ST6GALNAC3: variants seen among roughly 807,000 people sequenced by gnomAD.
The protein encoded by ST6GALNAC3 is alpha-N-acetylgalactosaminide alpha-2,6-sialyltransferase 3.
A neutral mutation model predicts 32.7 loss-of-function variants in ST6GALNAC3; 25 were observed. The ratio of observed to expected loss-of-function variants is 0.76; its 90% confidence interval spans 0.56 to 1.07. The LOEUF (loss-of-function observed/expected upper bound fraction) is 1.07, where lower values mean the gene tolerates loss of function less well. Ranked by LOEUF, ST6GALNAC3 falls within the 50% of genes least tolerant of loss-of-function variation. The pLI, the probability that ST6GALNAC3 is intolerant of heterozygous loss-of-function variation, is 0.00. For synonymous variants in ST6GALNAC3, 129 were observed against 133.1 expected (o/e 0.97, Z 0.21); for missense variants, 355 against 382.4 (o/e 0.93, Z 0.60).
At chr1:76,233,048 A>G (rs1480833400) in intron 1 of ST6GALNAC3, among the ~76,000 whole-genome samples, 1 of 152,212 alleles carries the variant, frequency 6.6e-6, no homozygotes, top group Non-Finnish European at 1.5e-5. Flanking sequence ...CTCAAAAAAC[A>G]AAGTCTCTAA....
At chr1:76,474,821 G>A (rs775836301) in intron 3 of ST6GALNAC3, among the ~76,000 whole-genome samples, 8 of 152,094 alleles carry the variant, frequency 5.3e-5, no homozygotes, top group Non-Finnish European at 1.0e-4. Flanking sequence ...AAGCCAACTC[G>A]CATCCTGTGG....
At chr1:76,604,483 G>A (rs1284787367) in intron 3 of ST6GALNAC3, among the ~76,000 whole-genome samples, 1 of 152,178 alleles carries the variant, frequency 6.6e-6, no homozygotes, top group Non-Finnish European at 1.5e-5. Flanking sequence ...TGACATCTCT[G>A]ACAATGTTCA....
At chr1:76,127,476 T>C (rs151302045) in intron 1 of ST6GALNAC3, among the ~76,000 whole-genome samples, 21 of 152,354 alleles carry the variant, frequency 1.4e-4, no homozygotes, top group African/African-American at 4.8e-4. Flanking sequence ...GAAGGTTCTG[T>C]CTTTATTTAC....
At chr1:76,341,171 A>G (rs1372097286) in intron 2 of ST6GALNAC3, among the ~76,000 whole-genome samples, 81 of 151,934 alleles carry the variant, frequency 5.3e-4, no homozygotes, top group Non-Finnish European at 1.5e-4. Flanking sequence ...AGAACCCTGT[A>G]GGTAGTTTTT....
chr1:76,168,301 G>A (rs539394720), intron 1 of ST6GALNAC3, among the ~76,000 whole-genome samples: 1 of 152,178 alleles, frequency 6.6e-6, no homozygotes, highest in Non-Finnish European at 1.5e-5. Flanking sequence ...GGTTTTGAGT[G>A]AATTTCTTAG....
At chr1:76,602,904 T>C (rs1647299989) in intron 3 of ST6GALNAC3, among the ~76,000 whole-genome samples, 1 of 151,928 alleles carries the variant, frequency 6.6e-6, no homozygotes, top group African/African-American at 2.4e-5. Context: ...AAACGATCCA[T>C]TGCAAAAAAA....
intron 1 of ST6GALNAC3, among the ~76,000 whole-genome samples, chr1:76,138,653 T>C (rs1650099533): frequency 6.6e-6 from 1 of 152,262 alleles, no homozygotes; most frequent in African/African-American, 2.4e-5. Context: ...ATACTTTTTC[T>C]CTAAAATGTC....
At chr1:76,331,772 G>A (rs547037183) in intron 2 of ST6GALNAC3, among the ~76,000 whole-genome samples, 1 of 152,282 alleles carries the variant, frequency 6.6e-6, no homozygotes, top group Admixed American at 6.5e-5. Flanking sequence ...CTTCTAATGG[G>A]AAACAAATAT....
rs578229710 is a variant in ST6GALNAC3 at position 76,455,186 on chromosome 1, C to A, written c.623+42769C>A. Among the ~76,000 whole-genome samples the A allele has an allele frequency of 2.0e-5, 3 of 151,884 alleles. No individual in the cohort carries two copies. The East Asian group carries it at 5.8e-4, about 29-fold the overall frequency. On this transcript the variant is annotated intron_variant, in intron 3 of 4. Transcript: ENST00000328299. ...TGTTCTTATTTTATGGCTACAATAT[C>A]TTTTATTATTTACATCTATCATTAT...
intron 1 of ST6GALNAC3, among the ~76,000 whole-genome samples, chr1:76,239,669 C>CCCGTGA (rs1243453953): frequency 6.6e-6 from 1 of 152,124 alleles, no homozygotes; most frequent in Non-Finnish European, 1.5e-5. Flanking sequence ...GAGATCTTCC[C>CCCGTGA]CCGTGACCCA....
At chr1:76,362,544 T>C (rs937756413) in intron 2 of ST6GALNAC3, among the ~76,000 whole-genome samples, 1 of 152,182 alleles carries the variant, frequency 6.6e-6, no homozygotes, top group African/African-American at 2.4e-5. Flanking sequence ...GGCTCATACT[T>C]TCTGCCTATG....
At chr1:76,386,624 A>G (rs998325232) in intron 2 of ST6GALNAC3, among the ~76,000 whole-genome samples, 1 of 152,128 alleles carries the variant, frequency 6.6e-6, no homozygotes, top group Non-Finnish European at 1.5e-5. Flanking sequence ...ATAATAACAT[A>G]GAGAGATAAA....
chr1:76,604,527 C>G (rs1163602344), intron 3 of ST6GALNAC3, among the ~76,000 whole-genome samples: 1 of 152,182 alleles, frequency 6.6e-6, no homozygotes, highest in Admixed American at 6.5e-5. Flanking sequence ...TCTGCTCACA[C>G]CTCAAATGTT....
At chr1:76,178,200 A>G (rs527822314) in intron 1 of ST6GALNAC3, among the ~76,000 whole-genome samples, 10 of 152,248 alleles carry the variant, frequency 6.6e-5, no homozygotes, top group Non-Finnish European at 1.5e-4. Flanking sequence ...GAGAATAAAC[A>G]ATGTAAAGAA....
At chr1:76,307,901 T>C (rs777231501) in intron 1 of ST6GALNAC3, 2 of 516,666 alleles carry the variant, frequency 3.9e-6, no homozygotes, top group Admixed American at 1.9e-5. Flanking sequence ...GTATTTCTCC[T>C]ATGAAGTCTG....
chr1:76,276,786 A>G (rs539530076), intron 1 of ST6GALNAC3, among the ~76,000 whole-genome samples: 1 of 152,342 alleles, frequency 6.6e-6, no homozygotes, highest in Non-Finnish European at 1.5e-5. Context: ...TAAGTAGAAT[A>G]TAAGAACTCC....
intron 3 of ST6GALNAC3, among the ~76,000 whole-genome samples, chr1:76,441,160 G>T (rs577672863): frequency 6.6e-6 from 1 of 151,526 alleles, no homozygotes; most frequent in African/African-American, 2.4e-5. Context: ...ATATAATATG[G>T]ACTTGCTCAA....
chr1:76,542,401 G>A (rs1375577837), intron 3 of ST6GALNAC3, among the ~76,000 whole-genome samples: 1 of 152,076 alleles, frequency 6.6e-6, no homozygotes, highest in Non-Finnish European at 1.5e-5. Context: ...TATATAGTAA[G>A]GGCTCAAAAA....
At chr1:76,292,746 C>T (rs746366765) in intron 1 of ST6GALNAC3, among the ~76,000 whole-genome samples, 2 of 152,166 alleles carry the variant, frequency 1.3e-5, no homozygotes, top group Non-Finnish European at 2.9e-5. Flanking sequence ...TATTACTGGA[C>T]TCTGGGCTCC....
Sources: allele counts gnomAD v4.1 joint callset (sites outside exome capture counted in the v4.1 genomes callset), GRCh38; gene constraint gnomAD v4.1.1; transcripts MANE v1.5; gene names NCBI Gene and HGNC (gene_info 2026-07-23, HGNC 2026-07-21).